The following KCNIP4 variants were observed in gnomAD, a reference collection of about 807,000 sequenced individuals.
KCNIP4 encodes Kv channel-interacting protein 4.
Under a neutral mutation model 34.0 loss-of-function variants are expected in KCNIP4, and 12 were observed. That is an observed-to-expected ratio of 0.35 (90% CI 0.23 to 0.57). The LOEUF is 0.57. KCNIP4 is among the 20% of genes least tolerant of loss of function. KCNIP4 has a pLI of 0.83. For synonymous variants in KCNIP4, 124 were observed against 102.2 expected, an observed-to-expected ratio of 1.21 and a Z score of -1.29; for missense variants, 238 against 311.7, an observed-to-expected ratio of 0.76 and a Z score of 1.78.
In KCNIP4 at chr4:21,368,768, A is replaced by T. The variant is rs1340513983; in HGVS notation, c.62-486059T>A. Among the ~76,000 whole-genome samples the T allele has an allele frequency of 1.4e-5, 2 of 147,606 alleles. 1 individual carries two copies. Among genetic ancestry groups the T allele is most frequent in the African/African-American group, 5.4e-5 (2 of 37,206 alleles). ...AAGAAATATCACCCTTTCCTTGAGG[A>T]GTTTTAAGTTGAATAAAAAATAATG... On this transcript the variant is annotated intron_variant, in intron 1 of 8. Transcript: ENST00000382152.
At chr4:21,373,200 G>T (rs1378799719) in intron 1 of KCNIP4, among the ~76,000 whole-genome samples, 4 of 146,784 alleles carry the variant, frequency 2.7e-5, no homozygotes, top group Admixed American at 2.6e-4. Flanking sequence ...GTGTGCACTT[G>T]TAGTCCTAGC....
At chr4:21,671,642 TA>T in intron 1 of KCNIP4, among the ~76,000 whole-genome samples, 1 of 152,186 alleles carries the variant, frequency 6.6e-6, no homozygotes, top group Non-Finnish European at 1.5e-5. Context: ...AATGGGTTGA[TA>T]TGATTGATTG....
At chr4:21,009,205 T>A (rs1007073851) in intron 1 of KCNIP4, among the ~76,000 whole-genome samples, 1 of 151,946 alleles carries the variant, frequency 6.6e-6, no homozygotes, top group Non-Finnish European at 1.5e-5. Flanking sequence ...GCGTGAGGAG[T>A]GGGATTCATG....
chr4:21,392,432 T>C (rs1722644921), intron 1 of KCNIP4, among the ~76,000 whole-genome samples: 1 of 152,158 alleles, frequency 6.6e-6, no homozygotes, highest in Admixed American at 6.6e-5. Context: ...TTGCAATGAG[T>C]CAATAAATTC....
At chr4:20,828,450 C>T (rs528388457) in intron 3 of KCNIP4, among the ~76,000 whole-genome samples, 49 of 152,066 alleles carry the variant, frequency 3.2e-4, no homozygotes, top group South Asian at 2.7e-3. Flanking sequence ...ACAAAAGCTA[C>T]GGGAAGTAAA....
intron 1 of KCNIP4, among the ~76,000 whole-genome samples, chr4:21,114,386 T>C (rs1179678487): frequency 1.3e-5 from 2 of 152,178 alleles, no homozygotes; most frequent in Non-Finnish European, 2.9e-5. Flanking sequence ...GTCTGGATTA[T>C]CCAGGGGCCT....
intron 1 of KCNIP4, among the ~76,000 whole-genome samples, chr4:21,724,524 T>G (rs562712116): frequency 6.6e-6 from 1 of 151,678 alleles, no homozygotes; most frequent in African/African-American, 2.4e-5. Context: ...GAGCAATTCA[T>G]CACTTTGTGG....
intron 5 of KCNIP4, among the ~76,000 whole-genome samples, chr4:20,738,949 C>G (rs753973603): frequency 6.6e-6 from 1 of 152,196 alleles, no homozygotes; most frequent in Admixed American, 6.5e-5. Flanking sequence ...TATACTGCAC[C>G]TGGCTCAGAG....
chr4:21,528,395 A>G (rs901454807), intron 1 of KCNIP4, among the ~76,000 whole-genome samples: 1 of 151,930 alleles, frequency 6.6e-6, no homozygotes, highest in African/African-American at 2.4e-5. Flanking sequence ...TCAACCGGGC[A>G]TGGTGGCTCA....
At chr4:21,559,517 G>A (rs769929801) in intron 1 of KCNIP4, among the ~76,000 whole-genome samples, 2 of 152,002 alleles carry the variant, frequency 1.3e-5, no homozygotes, top group African/African-American at 4.8e-5. Flanking sequence ...TAAGGAGTTC[G>A]GAGTATACAG....
intron 1 of KCNIP4, among the ~76,000 whole-genome samples, chr4:21,639,054 A>T (rs1006896064): frequency 2.0e-5 from 3 of 152,204 alleles, no homozygotes; most frequent in Admixed American, 2.0e-4. Flanking sequence ...ATTGGGTTTT[A>T]AAAGAATGTG....
intron 1 of KCNIP4, among the ~76,000 whole-genome samples, chr4:20,921,234 A>G (rs953488933): frequency 3.3e-5 from 5 of 152,162 alleles, no homozygotes; most frequent in African/African-American, 7.2e-5. Context: ...GTTGACGCCA[A>G]TGTTTAAAAG....
At chr4:21,119,468 T>C (rs543271064) in intron 1 of KCNIP4, among the ~76,000 whole-genome samples, 42 of 144,386 alleles carry the variant, frequency 2.9e-4, no homozygotes, top group African/African-American at 1.0e-3. Context: ...CAGACATCAG[T>C]GTACTCACAA....
At chr4:21,411,258 T>A (rs1044414799) in intron 1 of KCNIP4, among the ~76,000 whole-genome samples, 21 of 152,116 alleles carry the variant, frequency 1.4e-4, no homozygotes, top group African/African-American at 4.8e-4. Flanking sequence ...GTCAAGAGGC[T>A]TTCTTGGGAG....
chr4:21,468,571 A>T (rs1046545025), intron 1 of KCNIP4, among the ~76,000 whole-genome samples: 1 of 152,204 alleles, frequency 6.6e-6, no homozygotes, highest in Non-Finnish European at 1.5e-5. Flanking sequence ...CAGTCCTAAC[A>T]CAGTCCCACT....
intron 1 of KCNIP4, among the ~76,000 whole-genome samples, chr4:21,587,697 T>C (rs957308110): frequency 2.0e-5 from 3 of 152,076 alleles, no homozygotes. Flanking sequence ...ATGGGTGAAC[T>C]AGCATAGGAA....
At chr4:21,463,449 C>T (rs1163625114) in intron 1 of KCNIP4, among the ~76,000 whole-genome samples, 1 of 151,980 alleles carries the variant, frequency 6.6e-6, no homozygotes, top group Non-Finnish European at 1.5e-5. Flanking sequence ...AATCTAGTTT[C>T]TGTCTCTATA....
At chr4:21,663,883 A>C (rs1748635084) in intron 1 of KCNIP4, among the ~76,000 whole-genome samples, 2 of 152,260 alleles carry the variant, frequency 1.3e-5, no homozygotes, top group Middle Eastern at 3.4e-3. Flanking sequence ...ACTTCCTCAG[A>C]GTCACAGTGC....
intron 1 of KCNIP4, among the ~76,000 whole-genome samples, chr4:20,950,389 A>G (rs1371540529): frequency 2.0e-5 from 3 of 152,096 alleles, no homozygotes; most frequent in Non-Finnish European, 4.4e-5. Context: ...GGTTCATTTG[A>G]TTCCGTTGTT....
Sources: gnomAD v4.1 joint callset for allele counts (sites outside exome capture counted in the v4.1 genomes callset) on GRCh38, gnomAD v4.1.1 for gene constraint, MANE v1.5 for transcripts, NCBI Gene and HGNC (gene_info 2026-07-23, HGNC 2026-07-21) for gene names.